The following AGO3 variants were observed in gnomAD, a reference collection of about 807,000 sequenced individuals.
The protein encoded by AGO3 is argonaute RISC catalytic component 3, also known as protein argonaute-3.
AGO3 carries 16 observed loss-of-function variants against 105.5 expected under a neutral mutation model. The ratio of observed to expected loss-of-function variants is 0.15; its 90% CI spans 0.10 to 0.23. AGO3 has a LOEUF of 0.23. Ranked by LOEUF, AGO3 falls within the 10% of genes least tolerant of loss-of-function variation. The probability of loss-of-function intolerance (pLI) is 1.00; values close to 1 mark genes in which losing one functional copy is unlikely to be tolerated. For missense variants in AGO3, 534 were observed against 1,088.0 expected (o/e 0.49, Z 7.16); for synonymous variants, 340 against 367.3 (o/e 0.93, Z 0.85).
chr1:35,973,392 G>T lies in AGO3; in HGVS notation c.539G>T (p.Arg180Leu). The change falls in exon 5 of 19, where the codon CGT (arginine) becomes CTT (leucine). Residue 180 changes from arginine to leucine, a missense_variant. Arg to Leu is a moderately radical substitution (Grantham distance 102). Coordinates refer to ENST00000373191, the MANE Select transcript of AGO3 (RefSeq NM_024852.4). Reference protein sequence around the residue: ...LPSMKYTPVGRSFFSAPEGYD... With the variant: ...LPSMKYTPVGLSFFSAPEGYD... Reference sequence around the variant, plus strand: ...TTTTGTAGATACACACCTGTGGGGCGTTCATTTTTCTCCGCTCCAGAAGGA... The same window carrying T: ...TTTTGTAGATACACACCTGTGGGGCTTTCATTTTTCTCCGCTCCAGAAGGA... 6.3e-7 allele frequency: 1 copy of T among 1,578,290 alleles called. No individual in the cohort carries two copies.
In AGO3 at chr1:36,055,057, C is replaced by T; in HGVS notation, c.2386C>T (p.Arg796Ter). 6.2e-7 allele frequency: 1 copy of T among 1,614,166 alleles called. No homozygotes were observed. The highest frequency in any genetic ancestry group is 8.5e-7 in the Non-Finnish European group (1 of 1,180,012). Reference sequence around the variant, plus strand: ...CTGCCACACTTACGTACGCTGTACACGATCTGTTTCTATACCTGCACCAGC... The same window carrying T: ...CTGCCACACTTACGTACGCTGTACATGATCTGTTTCTATACCTGCACCAGC... ...QLCHTYVRCT[R>*]SVSIPAPAYY... Residue 796 changes from arginine to a stop codon, truncating the protein, a stop_gained, in exon 18 of 19, where the codon CGA becomes TGA. Coordinates refer to ENST00000373191, the MANE Select transcript of AGO3 (RefSeq NM_024852.4). LOFTEE classifies it high-confidence loss of function. The surrounding 1 kb of genome is among the most constrained non-coding windows in gnomAD (Gnocchi z 4.4).
intron 17 of AGO3, among the ~76,000 whole-genome samples, chr1:36,054,588 G>A (rs2148864852): frequency 6.6e-6 from 1 of 152,072 alleles, no homozygotes; most frequent in South Asian, 2.1e-4. Context: ...TTATTAAAAA[G>A]TTCAAAATTG....
At chr1:36,035,324 C>T (rs1417460692) in intron 13 of AGO3, among the ~76,000 whole-genome samples, 1 of 152,064 alleles carries the variant, frequency 6.6e-6, no homozygotes, top group Non-Finnish European at 1.5e-5. Flanking sequence ...TACCTGAGCC[C>T]AGGGAAGTCA....
At chr1:35,968,919 G>A (rs1326748775) in intron 3 of AGO3, among the ~76,000 whole-genome samples, 1 of 148,638 alleles carries the variant, frequency 6.7e-6, no homozygotes, top group South Asian at 2.1e-4. Flanking sequence ...TTTTTTGTTC[G>A]TTTTCTAATA....
At chr1:35,963,387 A>G (rs1293118200) in intron 2 of AGO3, among the ~76,000 whole-genome samples, 1 of 150,890 alleles carries the variant, frequency 6.6e-6, no homozygotes. Flanking sequence ...CATAATAAAT[A>G]TACCACAGCA....
chr1:35,931,402 C>G lies in AGO3; in HGVS notation c.-25C>G. On this transcript the variant is annotated 5_prime_UTR_variant, in exon 1 of 19. Coordinates refer to ENST00000373191, the MANE Select transcript of AGO3 (RefSeq NM_024852.4). ...GCCAGTGGCGGGCTCCGTTCTCCCT[C>G]GAAGCACTCCCCCCAGCTCCATGAA... 2 of 1,466,074 alleles carry G rather than the reference C, an allele frequency of 1.4e-6. No homozygotes were observed. Among genetic ancestry groups the G allele is most frequent in the South Asian group, 1.4e-5 (1 of 71,526 alleles). 90.8% of individuals were successfully genotyped at this position (1,466,074 alleles called of 1,614,324 possible).
chr1:35,942,496 C>G (rs779717850), intron 1 of AGO3, among the ~76,000 whole-genome samples: 9 of 151,876 alleles, frequency 5.9e-5, no homozygotes, highest in Non-Finnish European at 1.0e-4. Flanking sequence ...TGGTATAATT[C>G]TCTAGTGAAG....
chr1:36,046,730 C>A (rs1242653626), intron 17 of AGO3, among the ~76,000 whole-genome samples: 1 of 146,226 alleles, frequency 6.8e-6, no homozygotes, highest in African/African-American at 2.5e-5. Context: ...CCTTAGTCAT[C>A]CAGAGCAGTC....
Position 35,945,772 on chromosome 1 carries a change from GCTAA to G in AGO3, c.103_106del (p.Asn35ValfsTer16), listed in dbSNP as rs748537371. On this transcript the variant is annotated frameshift_variant, in exon 2 of 19. Transcript: ENST00000373191. LOFTEE classifies it high-confidence loss of function. ...CATGGGCAAACCCATTAAACTGCTG[GCTAA>G]CTGTTTTCAAGTTGAAATCCCAAAG... The G allele has an allele frequency of 2.5e-6, 4 of 1,613,556 alleles. No homozygotes were observed. Among genetic ancestry groups the G allele is most frequent in the South Asian group, 1.1e-5 (1 of 91,060 alleles).
chr1:36,024,172 TC>T (rs1184886479), intron 11 of AGO3, among the ~76,000 whole-genome samples: 2 of 143,588 alleles, frequency 1.4e-5, no homozygotes, highest in Non-Finnish European at 3.0e-5. Flanking sequence ...GGGATCTCAC[TC>T]TGTTGCCCAG....
At chr1:35,948,384 A>C (rs935914635) in intron 2 of AGO3, among the ~76,000 whole-genome samples, 2 of 151,520 alleles carry the variant, frequency 1.3e-5, no homozygotes, top group African/African-American at 4.9e-5. Context: ...TGACCAGCTA[A>C]TTTTTTGTAT....
chr1:35,958,652 C>CA (rs11448667), intron 2 of AGO3, among the ~76,000 whole-genome samples: 21,872 of 132,906 alleles, frequency 0.16, 3,400 homozygotes, highest in East Asian at 0.67. Context: ...GACCTTGTCT[C>CA]AAAAAAAAAA....
chr1:35,955,913 A>G (rs1172536334), intron 2 of AGO3, among the ~76,000 whole-genome samples: 1 of 152,154 alleles, frequency 6.6e-6, no homozygotes, highest in African/African-American at 2.4e-5. Context: ...TATGTGTTGC[A>G]GAACTCCCAT....
rs556253589 is a variant in AGO3 at position 36,001,608 on chromosome 1, T to A, written c.659-2733T>A. On this transcript the variant is annotated intron_variant, in intron 5 of 18. Transcript: ENST00000373191. ...AGTGTGCAGCAATTAAAGGGTGTACTGACATGAAAAGATCTCTAAGATGTA... is the reference window on the plus strand; with the variant it reads ...AGTGTGCAGCAATTAAAGGGTGTACAGACATGAAAAGATCTCTAAGATGTA... 2.0e-5 allele frequency among the ~76,000 whole-genome samples: 3 copies of A among 152,342 alleles called. No homozygotes were observed. In the South Asian group the frequency reaches 6.2e-4, roughly 32 times the overall value.
intron 3 of AGO3, among the ~76,000 whole-genome samples, chr1:35,969,016 T>G (rs1646820888): frequency 6.6e-6 from 1 of 152,200 alleles, no homozygotes. Context: ...GAGTATAACT[T>G]TGTAGGCTTA....
rs569668242 is a variant in AGO3, at chr1:35,934,432, T to A, written c.19+2987T>A. On this transcript the variant is annotated intron_variant, in intron 1 of 18. Transcript: ENST00000373191. ...CTTTTAAATTCATGTCTGAAAATAG[T>A]TGTTTTAGAGTTCTGTGTTTATTTA... Among the ~76,000 whole-genome samples, 7 of 152,288 alleles carry A rather than the reference T, an allele frequency of 4.6e-5. No individual in the cohort carries two copies. In the South Asian group the frequency reaches 1.5e-3, roughly 32 times the overall value.
At position 36,070,414 on chromosome 1, in the gene AGO3, C is replaced by T. The variant is rs1332203978; in HGVS notation, c.*14669C>T. Reference sequence around the variant, plus strand: ...GTCTGATGCAGTTACCTTTATAGATCGTGGCAGGTCCTTACATTTCAACAG... The same window carrying T: ...GTCTGATGCAGTTACCTTTATAGATTGTGGCAGGTCCTTACATTTCAACAG... On this transcript the variant is annotated 3_prime_UTR_variant, in exon 19 of 19. Coordinates refer to ENST00000373191, the MANE Select transcript of AGO3 (RefSeq NM_024852.4). 6.6e-6 allele frequency: 1 copy of T among 152,156 alleles called. No individual in the cohort carries two copies. Among genetic ancestry groups the T allele is most frequent in the African/African-American group, 2.4e-5 (1 of 41,434 alleles). The allele number at this position is 152,156 out of a possible 1,614,324, so 9.4% of individuals were successfully genotyped here. A position where few individuals can be genotyped will look rare whatever the true frequency, so the allele number is the denominator to read the frequency against.
intron 1 of AGO3, among the ~76,000 whole-genome samples, chr1:35,933,057 T>C (rs188489336): frequency 3.3e-5 from 5 of 152,316 alleles, no homozygotes. Flanking sequence ...AAAATACATT[T>C]TACCTCTTCT....
In AGO3 at chr1:36,040,242, C is replaced by T. The variant is rs1642190280; in HGVS notation, c.2038-65C>T. 4 of 1,502,230 alleles carry T rather than the reference C, an allele frequency of 2.7e-6. No homozygotes were observed. In the East Asian group the frequency reaches 9.2e-5, roughly 35 times the overall value. 93.1% of individuals were successfully genotyped at this position (1,502,230 alleles called of 1,614,324 possible). The stretch of plus-strand genomic sequence containing the variant: ...GGAATCCTGAGATTAAATCATTATC[C>T]TACTTTGAAGTATATAAAAACAAAT... On this transcript the variant is annotated intron_variant, in intron 15 of 18. Transcript: ENST00000373191.
Sources: gnomAD v4.1 joint callset for allele counts (sites outside exome capture counted in the v4.1 genomes callset) on GRCh38, gnomAD v4.1.1 for gene constraint, Gnocchi (gnomAD v3.1) non-coding constraint, MANE v1.5 for transcripts, NCBI Gene and HGNC (gene_info 2026-07-23, HGNC 2026-07-21) for gene names.